BRDT: variants seen among roughly 807,000 people sequenced by gnomAD.
BRDT encodes bromodomain testis associated.
Under a neutral mutation model 113.9 loss-of-function variants are expected in BRDT, and 77 were observed. The ratio of observed to expected loss-of-function variants is 0.68; its 90% CI spans 0.56 to 0.82. The LOEUF (loss-of-function observed/expected upper bound fraction) is 0.82. Among genes scored for constraint, BRDT ranks in the 40% least tolerant of loss-of-function variants. BRDT has a pLI of 0.00. For synonymous variants in BRDT, 358 were observed against 366.5 expected, an observed-to-expected ratio of 0.98 and a Z score of 0.26; for missense variants, 1,027 against 1,105.4, an observed-to-expected ratio of 0.93 and a Z score of 1.01.
At chr1:91,999,332 A>C (rs1259343712) in intron 15 of BRDT, among the ~76,000 whole-genome samples, 1 of 152,120 alleles carries the variant, frequency 6.6e-6, no homozygotes, top group Non-Finnish European at 1.5e-5. Flanking sequence ...CTGAGGAAAG[A>C]TGAGTTTTGT....
At chr1:91,950,784 G>C (rs998910252) in intron 1 of BRDT, 6 of 142,208 alleles carry the variant, frequency 4.2e-5, no homozygotes, top group African/African-American at 1.5e-4. Context: ...CCAGCACTTA[G>C]GAGGCCGAGG....
intron 12 of BRDT, among the ~76,000 whole-genome samples, chr1:91,982,208 C>T (rs896922651): frequency 1.3e-5 from 2 of 152,120 alleles, no homozygotes; most frequent in Admixed American, 6.5e-5. Context: ...TGAGTTAAAC[C>T]AGTCATCCCA....
At chr1:91,968,024 T>G in intron 3 of BRDT, 122 bp from the exon 4 acceptor site, 1 of 893,176 alleles carries the variant, frequency 1.1e-6, no homozygotes, top group Non-Finnish European at 1.6e-6. Flanking sequence ...TCTAAATTTA[T>G]AAGAGATGAA....
intron 16 of BRDT, among the ~76,000 whole-genome samples, chr1:92,002,587 C>A (rs758136410): frequency 7.9e-5 from 12 of 152,098 alleles, no homozygotes; most frequent in Non-Finnish European, 1.3e-4. Flanking sequence ...AGGTTGGTCT[C>A]AAACTCCTGA....
At chr1:91,995,415 G>C (rs1001047961) in intron 15 of BRDT, among the ~76,000 whole-genome samples, 140 of 8,956 alleles carry the variant, frequency 0.016, no homozygotes, top group Middle Eastern at 0.1. Context: ...GTGTGTGTGT[G>C]TGTGTGTGTG....
intron 14 of BRDT, among the ~76,000 whole-genome samples, chr1:91,992,567 G>A (rs891908939): frequency 3.3e-5 from 5 of 152,028 alleles, no homozygotes; most frequent in South Asian, 2.1e-4. Flanking sequence ...ACAGAGTCTC[G>A]CTCTATCACC....
chr1:91,956,094 T>G (rs376723435), intron 1 of BRDT, among the ~76,000 whole-genome samples: 1 of 152,242 alleles, frequency 6.6e-6, no homozygotes, highest in East Asian at 1.9e-4. Flanking sequence ...ACAAGTTTTT[T>G]TGAGCAACAC....
At chr1:91,985,638 C>CTTTTTTTTTTTTT (rs57330647) in intron 12 of BRDT, among the ~76,000 whole-genome samples, 1 of 108,610 alleles carries the variant, frequency 9.2e-6, no homozygotes, top group African/African-American at 3.7e-5. Context: ...ATTAGTTTTG[C>CTTTTTTTTTTTTT]TTTTTTTTTT....
intron 12 of BRDT, among the ~76,000 whole-genome samples, chr1:91,984,648 T>G (rs1685039281): frequency 1.3e-5 from 2 of 152,144 alleles, no homozygotes; most frequent in Non-Finnish European, 2.9e-5. Context: ...AAAAAAAATT[T>G]TTTTTGAGAC....
rs746986065 is a variant in BRDT at position 92,002,038 on chromosome 1, T to C, written c.2288-11T>C. 2 of 1,574,002 alleles carry C rather than the reference T, an allele frequency of 1.3e-6. No individual in the cohort carries two copies. The highest frequency in any genetic ancestry group is 4.5e-5 in the East Asian group (2 of 44,632). On this transcript the variant is annotated splice_polypyrimidine_tract_variant and intron_variant, in intron 15 of 18. Transcript: ENST00000399546. ...TTTTAATTATACTATTCTAAAAATG[T>C]GTGCATCCAGGTGATTCTGAACAGC... is the stretch of plus-strand genomic sequence containing the variant.
intron 1 of BRDT, 132 bp downstream of exon 1, chr1:91,949,814 G>A (rs1680848964): frequency 6.6e-6 from 1 of 152,304 alleles, no homozygotes; most frequent in Non-Finnish European, 1.5e-5. Context: ...GAAGGAGGAG[G>A]TTGGGGCGAG....
chr1:91,977,246 G>T lies in BRDT; in HGVS notation c.822G>T (p.Arg274Ser). 1.2e-6 allele frequency: 2 copies of T among 1,613,994 alleles called. No individual in the cohort carries two copies. Among genetic ancestry groups the T allele is most frequent in the Non-Finnish European group, 1.7e-6 (2 of 1,179,974 alleles). ...CTGTTAAAGTAACTGAACAATTAAG[G>T]CACTGTAGTGAGATTCTTAAAGAAA... ...VKTVKVTEQL[R>S]HCSEILKEML... Residue 274 changes from arginine (R) to serine (S), a missense_variant, in exon 6 of 19, where the codon AGG (arginine) becomes AGT (serine). Arg to Ser is a moderately radical substitution (Grantham distance 110). Transcript: ENST00000399546.
At chr1:92,002,887 C>T (rs1403538909) in intron 16 of BRDT, among the ~76,000 whole-genome samples, 4 of 152,108 alleles carry the variant, frequency 2.6e-5, no homozygotes, top group African/African-American at 7.2e-5. Flanking sequence ...CATTAAGATA[C>T]ATAAGGTACT....
At chr1:91,989,429 C>T (rs1025844737) in intron 12 of BRDT, among the ~76,000 whole-genome samples, 2 of 152,070 alleles carry the variant, frequency 1.3e-5, no homozygotes, top group African/African-American at 4.8e-5. Flanking sequence ...GGTGCAATCT[C>T]GGCTCACTGC....
In BRDT at chr1:91,979,555, A is replaced by G; in HGVS notation, c.1099-14A>G. 6.3e-7 allele frequency: 1 copy of G among 1,598,632 alleles called. No homozygotes were observed. Among genetic ancestry groups the G allele is most frequent in the Non-Finnish European group, 8.5e-7 (1 of 1,176,344 alleles). On this transcript the variant is annotated splice_polypyrimidine_tract_variant and intron_variant, in intron 7 of 18. Coordinates refer to ENST00000399546, the MANE Select transcript of BRDT (RefSeq NM_207189.4). Reference sequence around the variant, plus strand: ...AAATACAGAAAACCATAACAAACTAATTTTTCATTACAGGATGTTTTCGAA... The same window carrying G: ...AAATACAGAAAACCATAACAAACTAGTTTTTCATTACAGGATGTTTTCGAA...
At chr1:91,971,488 T>C (rs1475910962) in intron 4 of BRDT, among the ~76,000 whole-genome samples, 6 of 152,178 alleles carry the variant, frequency 3.9e-5, no homozygotes, top group African/African-American at 1.4e-4. Flanking sequence ...AAAATTGTCA[T>C]ATGATGGTAG....
At position 91,980,704 on chromosome 1, in the gene BRDT, AAAAG is replaced by A. The variant is rs756028208; in HGVS notation, c.1355_1358del (p.Lys452ArgfsTer26). On this transcript the variant is annotated frameshift_variant, in exon 9 of 19. Transcript: ENST00000399546. LOFTEE classifies it high-confidence loss of function. ...CAAGTACCTTTCCGTAAGCTAAATA[AAAAG>A]AAAGAGAAGTCTAAAAAGGAAAAGA... 2.6e-5 allele frequency: 41 copies of A among 1,606,338 alleles called. No individual in the cohort carries two copies. Among genetic ancestry groups the A allele is most frequent in the East Asian group, 8.9e-5 (4 of 44,764 alleles).
intron 1 of BRDT, among the ~76,000 whole-genome samples, chr1:91,955,454 A>C (rs1337039581): frequency 6.6e-6 from 1 of 152,172 alleles, no homozygotes; most frequent in Non-Finnish European, 1.5e-5. Context: ...ACTCCATCTT[A>C]AAAACAAAAC....
In BRDT at chr1:92,005,276, C is replaced by A. The variant is rs757984216; in HGVS notation, c.2752C>A (p.Gln918Lys). The change falls in exon 18 of 19, where the codon CAA (glutamine) becomes AAA (lysine). Residue 918 changes from glutamine (Q) to lysine (K), a missense_variant. Transcript: ENST00000399546. Reference sequence around the variant, plus strand: ...CCGTGATTTAGCAAGGCAGAAAGAACAAGAGAGGAGGAGGAGAGAAGCAGT... The same window carrying A: ...CCGTGATTTAGCAAGGCAGAAAGAAAAAGAGAGGAGGAGGAGAGAAGCAGT... The part of the protein sequence containing the change: ...KDRDLARQKE[Q>K]ERRRREAMVG... 7 of 1,565,050 alleles carry A rather than the reference C, an allele frequency of 4.5e-6. No individual in the cohort carries two copies. The African/African-American group carries it at 8.4e-5, about 19-fold the overall frequency.
Sources: allele counts gnomAD v4.1 joint callset (sites outside exome capture counted in the v4.1 genomes callset), GRCh38; gene constraint gnomAD v4.1.1; transcripts MANE v1.5; gene names NCBI Gene and HGNC (gene_info 2026-07-23, HGNC 2026-07-21).